TLN2: variants seen among roughly 807,000 people sequenced by gnomAD.
TLN2 encodes talin-2.
TLN2 carries 118 observed loss-of-function variants against 294.7 expected under a neutral mutation model. The observed-to-expected ratio is 0.40, with a 90% CI of 0.34 to 0.47. The LOEUF (loss-of-function observed/expected upper bound fraction) is 0.47, where lower values mean the gene tolerates loss of function less well. Among genes scored for constraint, TLN2 ranks in the 20% least tolerant of loss-of-function variants. TLN2 has a pLI of 0.84. For missense variants in TLN2, 3,083 were observed against 3,282.2 expected (o/e 0.94, Z 1.48); for synonymous variants, 1,431 against 1,304.5 (o/e 1.10, Z -2.09).
intron 2 of TLN2, among the ~76,000 whole-genome samples, chr15:62,597,798 A>G (rs2046656585): frequency 6.6e-6 from 1 of 152,202 alleles, no homozygotes; most frequent in Non-Finnish European, 1.5e-5. Flanking sequence ...TATGTTTTAC[A>G]TATACCTGAT....
At chr15:62,660,136 T>C (rs1350511351) in intron 9 of TLN2, among the ~76,000 whole-genome samples, 1 of 152,190 alleles carries the variant, frequency 6.6e-6, no homozygotes, top group African/African-American at 2.4e-5. Context: ...AGTTACGTAG[T>C]TTCTGAGGCA....
At chr15:62,683,481 TA>T (rs2057021586) in intron 11 of TLN2, among the ~76,000 whole-genome samples, 1 of 136,052 alleles carries the variant, frequency 7.4e-6, no homozygotes, top group Non-Finnish European at 1.6e-5. Context: ...CTCTCATTGG[TA>T]GAATGCCTGC....
In TLN2 at chr15:62,600,762, C is replaced by T. The variant is rs143342768; in HGVS notation, c.-162+11000C>T. On this transcript the variant is annotated intron_variant, in intron 2 of 58. Transcript: ENST00000636159. The stretch of plus-strand genomic sequence containing the variant: ...GATGATTAATTCTGAGCCAGTCTTT[C>T]TTCTGTCCCCTTCCCTCTTCCCACC... 3.1e-3 allele frequency among the ~76,000 whole-genome samples: 466 copies of T among 152,312 alleles called. 4 individuals are homozygous for T. Among genetic ancestry groups the T allele is most frequent in the African/African-American group, 0.011 (443 of 41,580 alleles).
At chr15:62,783,263 C>T (rs1415074010) in intron 44 of TLN2, among the ~76,000 whole-genome samples, 1 of 152,248 alleles carries the variant, frequency 6.6e-6, no homozygotes, top group African/African-American at 2.4e-5. Flanking sequence ...ACAGCCCTGT[C>T]CTCATGCCCT....
rs749815202 is a variant in TLN2, at chr15:62,766,360, G to A, written c.5134G>A (p.Gly1712Arg). 1.9e-5 allele frequency: 30 copies of A among 1,613,200 alleles called. No individual in the cohort carries two copies. Among genetic ancestry groups the A allele is most frequent in the East Asian group, 6.7e-5 (3 of 44,860 alleles). Residue 1712 changes from glycine to arginine, a missense_variant, in exon 41 of 59, where the codon GGA becomes AGA. By Grantham distance (125) the Gly-to-Arg change is moderately radical (BLOSUM62 -2). Coordinates refer to ENST00000636159, the MANE Select transcript of TLN2 (RefSeq NM_015059.3). ...EQLTSVVQEI[G>R]HLIDPIATAA... is the part of the protein sequence containing the mutation. ...GCTGACTTCGGTGGTCCAGGAAATC[G>A]GACACCTTATCGATCCCATCGCCAC...
chr15:62,752,555 G>C, intron 35 of TLN2, 128 bp downstream of exon 35: 1 of 1,367,584 alleles, frequency 7.3e-7, no homozygotes, highest in Non-Finnish European at 9.8e-7. Context: ...AGTGGCTTCT[G>C]TGCTGGCTGG....
intron 1 of TLN2, among the ~76,000 whole-genome samples, chr15:62,583,656 G>T (rs115450089): frequency 0.01 from 1,534 of 152,236 alleles, 28 homozygotes; most frequent in African/African-American, 0.035. Context: ...ATTTTGGCCA[G>T]TTCATAAAAT....
At chr15:62,767,456 C>A (rs887400285) in intron 41 of TLN2, among the ~76,000 whole-genome samples, 9 of 152,056 alleles carry the variant, frequency 5.9e-5, no homozygotes, top group Non-Finnish European at 8.8e-5. Context: ...ATTCTCCTGC[C>A]TCAGCCTCCC....
chr15:62,559,825 T>G (rs1179041161), intron 1 of TLN2, among the ~76,000 whole-genome samples: 2 of 151,500 alleles, frequency 1.3e-5, no homozygotes, highest in African/African-American at 2.4e-5. Context: ...GGTGGGGGGG[T>G]GTGCTTTATC....
intron 1 of TLN2, among the ~76,000 whole-genome samples, chr15:62,462,531 G>T (rs2036864012): frequency 6.6e-6 from 1 of 152,186 alleles, no homozygotes; most frequent in South Asian, 2.1e-4. Flanking sequence ...GGACCCTCAG[G>T]GTCCAGATTG....
intron 11 of TLN2, among the ~76,000 whole-genome samples, chr15:62,677,897 G>C (rs1188356763): frequency 7.6e-6 from 1 of 131,900 alleles, no homozygotes; most frequent in Non-Finnish European, 1.6e-5. Context: ...CTGTGTTCAA[G>C]CGATTCTCCT....
At position 62,728,296 on chromosome 15, in the gene TLN2, T is replaced by TA. The variant is rs1046892495; in HGVS notation, c.3358+1108dup. 1.4e-4 allele frequency among the ~76,000 whole-genome samples: 21 copies of TA among 152,366 alleles called. 1 individual carries two copies. Among genetic ancestry groups the TA allele is most frequent in the Admixed American group, 1.4e-3 (21 of 15,302 alleles). On this transcript the variant is annotated intron_variant, in intron 28 of 58. Coordinates refer to ENST00000636159, the MANE Select transcript of TLN2 (RefSeq NM_015059.3). ...CTATGTTAGTGAGACTCATCTGTGG[T>TA]ACATACAGTGCTTCTTGCATTTCCA...
chr15:62,611,612 C>T (rs2047921717), intron 2 of TLN2, among the ~76,000 whole-genome samples: 1 of 152,190 alleles, frequency 6.6e-6, no homozygotes, highest in Admixed American at 6.5e-5. Flanking sequence ...TTCAGTTGCC[C>T]TAGAATCTCC....
At chr15:62,544,601 A>G (rs185981358) in intron 1 of TLN2, among the ~76,000 whole-genome samples, 1 of 152,114 alleles carries the variant, frequency 6.6e-6, no homozygotes, top group East Asian at 1.9e-4. Flanking sequence ...AATAGTTTTC[A>G]TTTCCTGGAG....
At chr15:62,601,208 G>C (rs1025181328) in intron 2 of TLN2, among the ~76,000 whole-genome samples, 4 of 152,146 alleles carry the variant, frequency 2.6e-5, no homozygotes, top group African/African-American at 9.7e-5. Context: ...TGTCACAACT[G>C]GGGGATGCTA....
intron 1 of TLN2, among the ~76,000 whole-genome samples, chr15:62,519,192 A>G (rs1595997350): frequency 6.6e-6 from 1 of 152,184 alleles, no homozygotes; most frequent in Admixed American, 6.5e-5. Flanking sequence ...TTTAGGTGAG[A>G]CAAACCCTTT....
At chr15:62,690,696 A>C (rs1456193948) in intron 12 of TLN2, among the ~76,000 whole-genome samples, 2 of 149,000 alleles carry the variant, frequency 1.3e-5, no homozygotes, top group Non-Finnish European at 2.9e-5. Context: ...AGCCGAGATC[A>C]CGCCACTGCA....
At chr15:62,724,806 A>T (rs2060348164) in intron 26 of TLN2, among the ~76,000 whole-genome samples, 170 bp from the exon 27 acceptor site, 2 of 152,202 alleles carry the variant, frequency 1.3e-5, no homozygotes, top group Admixed American at 1.3e-4. Context: ...GTAAGGTTCT[A>T]ACTGAGGATG....
intron 14 of TLN2, among the ~76,000 whole-genome samples, chr15:62,695,133 T>A (rs915755620): frequency 9.9e-5 from 15 of 152,178 alleles, no homozygotes; most frequent in African/African-American, 3.6e-4. Context: ...GGAGATAGGT[T>A]TATTAAAATT....
Sources: allele counts gnomAD v4.1 joint callset (sites outside exome capture counted in the v4.1 genomes callset), GRCh38; gene constraint gnomAD v4.1.1; transcripts MANE v1.5; gene names NCBI Gene and HGNC (gene_info 2026-07-23, HGNC 2026-07-21).